Variants in DNAH11 observed in about 807,000 individuals in gnomAD.
The protein encoded by DNAH11 is dynein axonemal heavy chain 11.
A neutral mutation model predicts 526.0 loss-of-function variants in DNAH11; 442 were observed. The ratio of observed to expected loss-of-function variants is 0.84; its 90% CI spans 0.78 to 0.91. The LOEUF (loss-of-function observed/expected upper bound fraction) is 0.91, where lower values mean the gene tolerates loss of function less well. Among genes scored for constraint, DNAH11 ranks in the 40% least tolerant of loss-of-function variants. The pLI is 0.00. For missense variants in DNAH11, 6,989 were observed against 5,448.7 expected (o/e 1.28, Z -8.90); for synonymous variants, 2,461 against 1,935.9 (o/e 1.27, Z -7.12).
At position 21,749,777 on chromosome 7, in the gene DNAH11, C is replaced by A. The variant is rs747440745; in HGVS notation, c.8773C>A (p.Leu2925Met). 8 of 1,613,818 alleles carry A rather than the reference C, an allele frequency of 5.0e-6. No individual in the cohort carries two copies. Among genetic ancestry groups the A allele is most frequent in the Non-Finnish European group, 6.8e-6 (8 of 1,179,836 alleles). ...GGTTCTAGATGAGAGCTTCCTCGTG[C>A]TGATTAATGACTTGCTGGCATCAGG... is the stretch of plus-strand genomic sequence containing the variant. ...AQVLDESFLV[L>M]INDLLASGEI... Residue 2925 changes from leucine (L) to methionine (M), a missense_variant, in exon 53 of 82, where the codon CTG becomes ATG. Transcript: ENST00000409508.
At chr7:21,731,481 C>T (rs1785382538) in intron 45 of DNAH11, among the ~76,000 whole-genome samples, 1 of 152,068 alleles carries the variant, frequency 6.6e-6, no homozygotes, top group Non-Finnish European at 1.5e-5. Context: ...TTACCTAGAC[C>T]TAGATACACC....
Position 21,710,640 on chromosome 7 carries a change from C to T in DNAH11, c.6771C>T (p.Val2257=), listed in dbSNP as rs751317052. Reference sequence around the variant, plus strand: ...AGCATGATGGACCAAAATGGATAGTCCTGGATGGCGATATTGACCCCATGT... The same window carrying T: ...AGCATGATGGACCAAAATGGATAGTTCTGGATGGCGATATTGACCCCATGT... ...NLKHDGPKWI[V]LDGDIDPMWI... is the part of the protein sequence containing the mutation. Residue 2257 remains valine (V), a synonymous_variant, in exon 41 of 82, where the codon GTC becomes GTT. Transcript: ENST00000409508. 1.9e-6 allele frequency: 3 copies of T among 1,613,162 alleles called. No individual in the cohort carries two copies. The highest frequency in any genetic ancestry group is 1.3e-5 in the African/African-American group (1 of 74,856).
intron 54 of DNAH11, among the ~76,000 whole-genome samples, chr7:21,753,177 C>A (rs1458642790): frequency 6.6e-6 from 1 of 152,154 alleles, no homozygotes; most frequent in Non-Finnish European, 1.5e-5. Context: ...CGTGATGCCT[C>A]TTGCCTCCTG....
intron 51 of DNAH11, among the ~76,000 whole-genome samples, chr7:21,747,156 A>G (rs764679578): frequency 1.3e-5 from 2 of 151,924 alleles, no homozygotes; most frequent in African/African-American, 2.4e-5. Context: ...TGAAATGAAA[A>G]CCCTGTTTTA....
intron 65 of DNAH11, among the ~76,000 whole-genome samples, chr7:21,830,148 G>A (rs890446561): frequency 6.6e-6 from 1 of 152,142 alleles, no homozygotes; most frequent in African/African-American, 2.4e-5. Context: ...TTTGAAGACG[G>A]TTGTCATTAT....
chr7:21,686,951 T>C, intron 32 of DNAH11, 148 bp from the exon 33 acceptor site: 3 of 600,564 alleles, frequency 5.0e-6, no homozygotes, highest in Non-Finnish European at 7.7e-6. Context: ...TGATTCATTA[T>C]TGCCATGAAC....
At chr7:21,865,040 C>A (rs1416278866) in intron 70 of DNAH11, among the ~76,000 whole-genome samples, 2 of 152,040 alleles carry the variant, frequency 1.3e-5, no homozygotes, top group East Asian at 3.9e-4. Context: ...CTAAATAGTT[C>A]TTTAAATTAC....
intron 61 of DNAH11, among the ~76,000 whole-genome samples, chr7:21,792,538 A>G (rs1420473705): frequency 6.6e-6 from 1 of 152,028 alleles, no homozygotes; most frequent in African/African-American, 2.4e-5. Flanking sequence ...GTTTTCTTTG[A>G]TGGAGACTTT....
intron 57 of DNAH11, among the ~76,000 whole-genome samples, chr7:21,779,533 G>C (rs1787846912): frequency 6.6e-6 from 1 of 152,122 alleles, no homozygotes; most frequent in Non-Finnish European, 1.5e-5. Flanking sequence ...AATACAACTG[G>C]AGTTTATTAT....
intron 81 of DNAH11, among the ~76,000 whole-genome samples, chr7:21,900,334 A>G (rs560876358): frequency 1.6e-3 from 166 of 106,776 alleles, no homozygotes; most frequent in African/African-American, 4.7e-3. Context: ...TATCACTTAA[A>G]TTTTGCACAT....
chr7:21,658,647 C>T, intron 29 of DNAH11, 151 bp from the exon 30 acceptor site: 1 of 570,298 alleles, frequency 1.8e-6, no homozygotes. Flanking sequence ...TCACTTTCCC[C>T]TTTGAGTTAT....
At chr7:21,733,959 A>G (rs1785496558) in intron 45 of DNAH11, among the ~76,000 whole-genome samples, 1 of 152,168 alleles carries the variant, frequency 6.6e-6, no homozygotes, top group Non-Finnish European at 1.5e-5. Context: ...AGTTTTGGGA[A>G]CATTGGACTT....
Position 21,720,871 on chromosome 7 carries a change from A to G in DNAH11, c.7266+15A>G. 8.1e-6 allele frequency: 13 copies of G among 1,608,946 alleles called. No individual in the cohort carries two copies. The highest frequency in any genetic ancestry group is 1.1e-5 in the Non-Finnish European group (13 of 1,177,434). On this transcript the variant is annotated intron_variant, in intron 44 of 81. Coordinates refer to ENST00000409508, the MANE Select transcript of DNAH11 (RefSeq NM_001277115.2). The stretch of plus-strand genomic sequence containing the variant: ...TACAAGATCAGGTATGTTTAGAAAT[A>G]GTTTACAGGACCAGTTTCCAGTTTT...
chr7:21,892,778 TACA>T, intron 77 of DNAH11, 111 bp downstream of exon 77: 1 of 1,222,994 alleles, frequency 8.2e-7, no homozygotes, highest in Non-Finnish European at 1.1e-6. Context: ...GTTTTACTCA[TACA>T]ACCACCACCT....
chr7:21,832,451 G>T (rs1426369837), intron 65 of DNAH11, among the ~76,000 whole-genome samples: 1 of 152,140 alleles, frequency 6.6e-6, no homozygotes, highest in Non-Finnish European at 1.5e-5. Flanking sequence ...CTTTCCATTT[G>T]CTTGGTAAAT....
chr7:21,818,195 T>A, intron 64 of DNAH11, 22 bp from the exon 65 acceptor site: 1 of 1,605,610 alleles, frequency 6.2e-7, no homozygotes, highest in Non-Finnish European at 8.5e-7. Context: ...TTTTATTATC[T>A]CAAATCCCAC....
chr7:21,731,387 C>T (rs1785379002), intron 45 of DNAH11, among the ~76,000 whole-genome samples: 1 of 151,926 alleles, frequency 6.6e-6, no homozygotes, highest in Non-Finnish European at 1.5e-5. Flanking sequence ...CATGTTGTTC[C>T]TGACAACAAC....
At chr7:21,789,819 TCTTTCTTTC>T (rs1788382246) in intron 61 of DNAH11, among the ~76,000 whole-genome samples, 2 of 95,416 alleles carry the variant, frequency 2.1e-5, no homozygotes, top group South Asian at 3.2e-4. Context: ...TTTCTTTCTT[TCTTTCTTTC>T]TTTCTTTCTT....
intron 28 of DNAH11, among the ~76,000 whole-genome samples, chr7:21,643,021 G>C (rs773753037): frequency 6.6e-6 from 1 of 152,154 alleles, no homozygotes; most frequent in Non-Finnish European, 1.5e-5. Context: ...AAGGATGATG[G>C]ATACAGGTGC....
Sources: gnomAD v4.1 joint callset for allele counts (sites outside exome capture counted in the v4.1 genomes callset) on GRCh38, gnomAD v4.1.1 for gene constraint, MANE v1.5 for transcripts, NCBI Gene and HGNC (gene_info 2026-07-23, HGNC 2026-07-21) for gene names.